The following MARCHF10 variants were observed in gnomAD, a reference collection of about 807,000 sequenced individuals.
The protein encoded by MARCHF10 is membrane associated ring-CH-type finger 10.
MARCHF10 carries 64 observed loss-of-function variants against 76.2 expected under a neutral mutation model. The observed-to-expected ratio is 0.84, with a 90% CI of 0.69 to 1.03. The LOEUF (loss-of-function observed/expected upper bound fraction) is 1.03, where lower values mean the gene tolerates loss of function less well. MARCHF10 is among the 50% of genes least tolerant of loss of function. MARCHF10 has a pLI of 0.00. For synonymous variants in MARCHF10, 340 were observed against 357.5 expected (o/e 0.95, Z 0.55); for missense variants, 875 against 958.0 (o/e 0.91, Z 1.14).
chr17:62,789,088 A>AC (rs1372363608), intron 2 of MARCHF10, among the ~76,000 whole-genome samples: 31 of 150,806 alleles, frequency 2.1e-4, no homozygotes, highest in Non-Finnish European at 4.0e-4. Flanking sequence ...AAAAAAAAAA[A>AC]AAAAAACGCA....
chr17:62,796,758 G>A (rs770868376), intron 2 of MARCHF10, among the ~76,000 whole-genome samples: 3 of 152,206 alleles, frequency 2.0e-5, no homozygotes, highest in African/African-American at 4.8e-5. Context: ...AGAGGCCAAG[G>A]TGGGTGGATC....
chr17:62,801,080 C>T (rs1474164481), intron 2 of MARCHF10, among the ~76,000 whole-genome samples: 2 of 121,316 alleles, frequency 1.6e-5, no homozygotes, highest in African/African-American at 6.7e-5. Flanking sequence ...GAGGGAAGTA[C>T]TTTTACAGTG....
In MARCHF10 at chr17:62,712,510, G is replaced by A. The variant is rs903706726; in HGVS notation, c.2215-1166C>T. Among the ~76,000 whole-genome samples the A allele has an allele frequency of 2.0e-5, 3 of 152,188 alleles. No homozygotes were observed. The highest frequency in any genetic ancestry group is 2.9e-5 in the Non-Finnish European group (2 of 68,044). Reference sequence around the variant, plus strand: ...AGAAAAGGCACAGAAGTTGAGCAAGGATTGATATGCTCTTCCTTCTGAATC... The same window carrying A: ...AGAAAAGGCACAGAAGTTGAGCAAGAATTGATATGCTCTTCCTTCTGAATC... On this transcript the variant is annotated intron_variant, in intron 8 of 10. Coordinates refer to ENST00000311269, the MANE Select transcript of MARCHF10 (RefSeq NM_152598.4). The surrounding 1 kb of genome is among the most constrained non-coding windows in gnomAD (Gnocchi z 4.2).
intron 5 of MARCHF10, among the ~76,000 whole-genome samples, chr17:62,742,027 T>TTA (rs2091532329): frequency 6.7e-6 from 1 of 148,822 alleles, no homozygotes; most frequent in Admixed American, 6.7e-5. Flanking sequence ...TTTTTTTCTT[T>TTA]TTTTTTTTTG....
chr17:62,709,040 CCTCTT>C, intron 9 of MARCHF10, among the ~76,000 whole-genome samples: 1 of 152,336 alleles, frequency 6.6e-6, no homozygotes, highest in East Asian at 1.9e-4. Context: ...ATATGTGTCT[CCTCTT>C]TCAACTCCTT....
Position 62,705,525 on chromosome 17 carries a change from C to T in MARCHF10, c.2371+14G>A, listed in dbSNP as rs747450334. The stretch of plus-strand genomic sequence containing the variant: ...AACACCCTCAAAATGGCAGGACTGG[C>T]CCCCAAAACCTACTTTCATTTTCCT... On this transcript the variant is annotated intron_variant, in intron 10 of 10. Coordinates refer to ENST00000311269, the MANE Select transcript of MARCHF10 (RefSeq NM_152598.4). 21 of 1,613,996 alleles carry T rather than the reference C, an allele frequency of 1.3e-5. No homozygotes were observed. The highest frequency in any genetic ancestry group is 5.0e-5 in the Admixed American group (3 of 59,990).
In MARCHF10 at chr17:62,701,663, C is replaced by T. The variant is rs575015725; in HGVS notation, c.*40G>A. The T allele has an allele frequency of 8.1e-6, 13 of 1,613,492 alleles. No homozygotes were observed. The highest frequency in any genetic ancestry group is 3.3e-5 in the Admixed American group (2 of 60,026). On this transcript the variant is annotated 3_prime_UTR_variant, in exon 11 of 11. Transcript: ENST00000311269. ...TTGGGGACGTAGAAAGAAGGGCTGGCGGGAGAGGTCTCCGCCGAGCTCCAC... is the reference window on the plus strand; with the variant it reads ...TTGGGGACGTAGAAAGAAGGGCTGGTGGGAGAGGTCTCCGCCGAGCTCCAC...
At chr17:62,721,331 T>C (rs924143221) in intron 8 of MARCHF10, among the ~76,000 whole-genome samples, 3 of 151,926 alleles carry the variant, frequency 2.0e-5, no homozygotes, top group African/African-American at 7.2e-5. Context: ...TCTTTGAAAC[T>C]TGGTGTTTAA....
intron 2 of MARCHF10, among the ~76,000 whole-genome samples, chr17:62,794,633 TC>T (rs1409620980): frequency 6.6e-6 from 1 of 152,182 alleles, no homozygotes; most frequent in African/African-American, 2.4e-5. Flanking sequence ...TCTTTCATTA[TC>T]AATCTGATCC....
intron 4 of MARCHF10, chr17:62,746,789 TTCAAAGTTC>T: frequency 4.1e-6 from 4 of 981,638 alleles, no homozygotes; most frequent in Non-Finnish European, 6.0e-6. Flanking sequence ...CAGCAGAATA[TTCAAAGTTC>T]CCACGCACCC....
intron 3 of MARCHF10, among the ~76,000 whole-genome samples, chr17:62,780,553 C>T (rs763217660): frequency 1.3e-5 from 2 of 152,144 alleles, no homozygotes; most frequent in African/African-American, 2.4e-5. Flanking sequence ...TCACTGCCTA[C>T]GCCTCCTTCC....
At chr17:62,807,635 C>T (rs2093182867) in intron 1 of MARCHF10, among the ~76,000 whole-genome samples, 2 of 152,004 alleles carry the variant, frequency 1.3e-5, no homozygotes, top group African/African-American at 4.8e-5. Flanking sequence ...ATGGTGTTGG[C>T]CTGTGGTCCC....
intron 5 of MARCHF10, among the ~76,000 whole-genome samples, chr17:62,741,275 A>G (rs2091495000): frequency 1.3e-5 from 2 of 152,224 alleles, no homozygotes; most frequent in Admixed American, 1.3e-4. Flanking sequence ...AGCGATTACA[A>G]TGTGATAAAT....
rs1460990138 is a variant in MARCHF10, at chr17:62,711,025, T to C, written c.2328+206A>G. Among the ~76,000 whole-genome samples, 1 of 152,216 alleles carries C rather than the reference T, an allele frequency of 6.6e-6. No homozygotes were observed. The highest frequency in any genetic ancestry group is 6.5e-5 in the Admixed American group (1 of 15,284). ...TTTAATTACTACTCATGTTTAATAA[T>C]AAGCAATTATGTGATCGTCACTTAC... is the stretch of plus-strand genomic sequence containing the variant. On this transcript the variant is annotated intron_variant, in intron 9 of 10. Transcript: ENST00000311269. The surrounding 1 kb of genome is among the most constrained non-coding windows in gnomAD (Gnocchi z 4.4).
intron 4 of MARCHF10, among the ~76,000 whole-genome samples, chr17:62,746,559 C>T (rs912475003): frequency 6.6e-6 from 1 of 152,030 alleles, no homozygotes; most frequent in Non-Finnish European, 1.5e-5. Context: ...AAGTTGCATT[C>T]CTTGAACATA....
Position 62,742,801 on chromosome 17 carries a change from T to A in MARCHF10, c.535+1575A>T, listed in dbSNP as rs796320470. ...GCAGCCTCGATGTCCTGAGCTAATT[T>A]ATTTATTTTTTTTGGAGATATGGGG... On this transcript the variant is annotated intron_variant, in intron 5 of 10. Transcript: ENST00000311269. Among the ~76,000 whole-genome samples, 6 of 151,982 alleles carry A rather than the reference T, an allele frequency of 3.9e-5. No homozygotes were observed. In the South Asian group the frequency reaches 1.0e-3, roughly 26 times the overall value.
Position 62,711,729 on chromosome 17 carries a change from G to A in MARCHF10, c.2215-385C>T, listed in dbSNP as rs368507386. Among the ~76,000 whole-genome samples the A allele has an allele frequency of 7.2e-5, 11 of 152,130 alleles. No homozygotes were observed. The South Asian group carries it at 2.1e-3, about 29-fold the overall frequency. ...CTGGTGTGGGGGAGAGAGCTTCATC[G>A]GTAAACAGCTCCAGTACAAGCTGGA... On this transcript the variant is annotated intron_variant, in intron 8 of 10. Transcript: ENST00000311269. This position sits in a 1 kb window ranked among gnomAD's most constrained non-coding sequence, Gnocchi z 4.4.
intron 3 of MARCHF10, among the ~76,000 whole-genome samples, chr17:62,771,698 T>C (rs1216881392): frequency 6.6e-6 from 1 of 150,674 alleles, no homozygotes. Flanking sequence ...TGCCTCAGCC[T>C]CCTGACTAGC....
At chr17:62,763,330 A>G (rs761635194) in intron 3 of MARCHF10, among the ~76,000 whole-genome samples, 14 of 152,194 alleles carry the variant, frequency 9.2e-5, no homozygotes, top group Non-Finnish European at 1.3e-4. Context: ...GACGTGGGTT[A>G]GTTCCACACC....
Sources: gnomAD v4.1 joint callset for allele counts (sites outside exome capture counted in the v4.1 genomes callset) on GRCh38, gnomAD v4.1.1 for gene constraint, Gnocchi (gnomAD v3.1) non-coding constraint, MANE v1.5 for transcripts, NCBI Gene and HGNC (gene_info 2026-07-23, HGNC 2026-07-21) for gene names.